Variants in TANC2 observed in about 807,000 individuals in gnomAD.
TANC2 encodes the protein protein TANC2.
TANC2 carries 26 observed loss-of-function variants against 210.5 expected under a neutral mutation model. The ratio of observed to expected loss-of-function variants is 0.12; its 90% CI spans 0.09 to 0.17. The LOEUF is 0.17. TANC2 is among the 10% of genes least tolerant of loss of function. The probability of loss-of-function intolerance (pLI) is 1.00; values close to 1 mark genes in which losing one functional copy is unlikely to be tolerated. For missense variants in TANC2, 2,129 were observed against 2,608.9 expected, an observed-to-expected ratio of 0.82 and a Z score of 4.01; for synonymous variants, 931 against 967.1, an observed-to-expected ratio of 0.96 and a Z score of 0.69.
chr17:63,073,856 T>C, intron 2 of TANC2, 87 bp from the exon 3 acceptor site: 7 of 1,068,656 alleles, frequency 6.6e-6, no homozygotes, highest in South Asian at 1.5e-5. Context: ...ATGATCGATA[T>C]AGTAGTTTTA....
chr17:63,141,805 T>A (rs536389598), intron 4 of TANC2, among the ~76,000 whole-genome samples: 35 of 152,200 alleles, frequency 2.3e-4, no homozygotes, highest in South Asian at 2.3e-3. Context: ...TTAAAAAAAA[T>A]TGTTACATTT....
Position 63,418,643 on chromosome 17 carries a change from A to C in TANC2, c.4268+236A>C, listed in dbSNP as rs899572338. On this transcript the variant is annotated intron_variant, in intron 27 of 27. Transcript: ENST00000689528. The surrounding 1 kb of genome is among the most constrained non-coding windows in gnomAD (Gnocchi z 4.6). ...CGGGAGAAAAACACTTTTTCACTGG[A>C]GAATGGCAGCTTCTTCCAAGAAGCC... is the stretch of plus-strand genomic sequence containing the variant. Among the ~76,000 whole-genome samples the C allele has an allele frequency of 6.6e-6, 1 of 152,206 alleles. No homozygotes were observed. The highest frequency in any genetic ancestry group is 1.5e-5 in the Non-Finnish European group (1 of 68,048).
intron 5 of TANC2, among the ~76,000 whole-genome samples, chr17:63,190,379 G>T (rs1327080403): frequency 1.3e-5 from 2 of 152,052 alleles, no homozygotes; most frequent in African/African-American, 2.4e-5. Flanking sequence ...TAATGTAAGA[G>T]TATTATTTCT....
intron 9 of TANC2, among the ~76,000 whole-genome samples, chr17:63,276,298 G>A (rs2043870443): frequency 6.6e-6 from 1 of 151,932 alleles, no homozygotes. Flanking sequence ...AATAAATGTT[G>A]TATATCACCT....
chr17:62,997,104 C>T (rs1467684372), intron 1 of TANC2, among the ~76,000 whole-genome samples: 1 of 148,332 alleles, frequency 6.7e-6, no homozygotes, highest in African/African-American at 2.5e-5. Flanking sequence ...TGTGAACCAC[C>T]ACACCCAGCC....
At chr17:63,365,606 T>G (rs186419019) in intron 14 of TANC2, among the ~76,000 whole-genome samples, 1 of 152,222 alleles carries the variant, frequency 6.6e-6, no homozygotes, top group Non-Finnish European at 1.5e-5. Context: ...TTTATAGATA[T>G]AGCTTCTGCC....
intron 14 of TANC2, among the ~76,000 whole-genome samples, chr17:63,357,564 G>A (rs2046815859): frequency 6.6e-6 from 1 of 152,156 alleles, no homozygotes; most frequent in African/African-American, 2.4e-5. Context: ...AACAGGACCA[G>A]GAGTTATCAA....
chr17:63,061,162 T>C (rs2035982477), intron 2 of TANC2, among the ~76,000 whole-genome samples: 1 of 151,846 alleles, frequency 6.6e-6, no homozygotes, highest in African/African-American at 2.4e-5. Context: ...AGGTCAGGAG[T>C]TCGAGACCAG....
At chr17:63,188,858 T>C (rs1467030027) in intron 5 of TANC2, among the ~76,000 whole-genome samples, 1 of 152,072 alleles carries the variant, frequency 6.6e-6, no homozygotes, top group Admixed American at 6.5e-5. Context: ...TACAGACTTG[T>C]GTAACTATCA....
At chr17:63,146,254 A>G (rs2039459384) in intron 4 of TANC2, among the ~76,000 whole-genome samples, 1 of 152,040 alleles carries the variant, frequency 6.6e-6, no homozygotes, top group Non-Finnish European at 1.5e-5. Context: ...TGAGTTGATT[A>G]TGTATCCTGC....
rs192172745 is a variant in TANC2 at position 63,328,151 on chromosome 17, A to G, written c.1575+9061A>G. ...GGAGCTAAACATTGAGTACACATGG[A>G]CACAAGAAAGAGAATAACAGACACT... On this transcript the variant is annotated intron_variant, in intron 11 of 27. Coordinates refer to ENST00000689528, the Ensembl canonical transcript of TANC2. Among the ~76,000 whole-genome samples, 10 of 152,262 alleles carry G rather than the reference A, an allele frequency of 6.6e-5. No individual in the cohort carries two copies. The East Asian group carries it at 1.9e-3, about 29-fold the overall frequency.
At position 63,152,679 on chromosome 17, in the gene TANC2, T is replaced by C. The variant is rs907661324; in HGVS notation, c.433+1299T>C. 5 of 152,272 alleles carry C rather than the reference T, an allele frequency of 3.3e-5. No homozygotes were observed. The South Asian group carries it at 6.2e-4, about 19-fold the overall frequency. 9.4% of individuals were successfully genotyped at this position (152,272 alleles called of 1,614,324 possible). On this transcript the variant is annotated intron_variant, in intron 5 of 27. Transcript: ENST00000689528. ...GAATATTGTACTTTGCATTTCTTCA[T>C]GCAAATTTTAGTGTTATAAAGTAAA...
rs76874858 is a variant in TANC2, at chr17:63,272,954, C to T, written c.1159+5081C>T. Among the ~76,000 whole-genome samples the T allele has an allele frequency of 2.8e-4, 43 of 151,990 alleles. 1 individual carries two copies. In the East Asian group the frequency reaches 7.9e-3, roughly 28 times the overall value. ...CTATTCTGTTAAGAGCAGTGTTTCT[C>T]AAACTTTTTGGTCCCGGGAGCCTTT... On this transcript the variant is annotated intron_variant, in intron 9 of 27. Transcript: ENST00000689528.
At chr17:62,985,943 C>G (rs1461719294) in intron 1 of TANC2, among the ~76,000 whole-genome samples, 1 of 152,032 alleles carries the variant, frequency 6.6e-6, no homozygotes. Flanking sequence ...TGATGTGTCC[C>G]TACATTGATT....
chr17:63,171,772 T>G (rs1393062205), intron 5 of TANC2, among the ~76,000 whole-genome samples: 1 of 152,266 alleles, frequency 6.6e-6, no homozygotes, highest in Admixed American at 6.5e-5. Flanking sequence ...CTACTATATC[T>G]ACATATTAAA....
intron 2 of TANC2, among the ~76,000 whole-genome samples, chr17:63,036,777 T>C (rs2034988456): frequency 6.6e-6 from 1 of 152,122 alleles, no homozygotes; most frequent in African/African-American, 2.4e-5. Context: ...TTCCTTGATA[T>C]TTTTCATCAG....
intron 21 of TANC2, among the ~76,000 whole-genome samples, chr17:63,409,702 AC>A (rs2147322013): frequency 6.6e-6 from 1 of 152,258 alleles, no homozygotes; most frequent in East Asian, 1.9e-4. Flanking sequence ...TAGGCTACAA[AC>A]CTGTACAGCG....
At chr17:63,358,413 A>T (rs201026197) in intron 14 of TANC2, among the ~76,000 whole-genome samples, 1 of 69,434 alleles carries the variant, frequency 1.4e-5, no homozygotes. Flanking sequence ...GTGTGTGTGT[A>T]TGTGTGTGTG....
intron 5 of TANC2, among the ~76,000 whole-genome samples, chr17:63,176,997 C>T (rs2040607991): frequency 6.6e-6 from 1 of 151,862 alleles, no homozygotes; most frequent in Non-Finnish European, 1.5e-5. Flanking sequence ...GGCACGGTGG[C>T]TCACACCTGT....
Sources: allele counts gnomAD v4.1 joint callset (sites outside exome capture counted in the v4.1 genomes callset), GRCh38; gene constraint gnomAD v4.1.1; non-coding constraint Gnocchi (gnomAD v3.1); transcripts MANE v1.5; gene names NCBI Gene and HGNC (gene_info 2026-07-23, HGNC 2026-07-21).